Variants in CNTN1 observed in about 807,000 individuals in gnomAD.
The protein encoded by CNTN1 is contactin 1.
Under a neutral mutation model 126.4 loss-of-function variants are expected in CNTN1, and 38 were observed. That is an observed-to-expected ratio of 0.30 (90% CI 0.23 to 0.39). The LOEUF is 0.39. Ranked by LOEUF, CNTN1 falls within the 10% of genes least tolerant of loss-of-function variation. CNTN1 has a pLI of 1.00. For missense variants in CNTN1, 1,009 were observed against 1,248.4 expected (o/e 0.81, Z 2.89); for synonymous variants, 413 against 422.6 (o/e 0.98, Z 0.28).
intron 15 of CNTN1, among the ~76,000 whole-genome samples, chr12:40,979,767 C>T (rs1310344482): frequency 6.6e-6 from 1 of 151,960 alleles, no homozygotes; most frequent in Non-Finnish European, 1.5e-5. Context: ...CTCTTCAAAG[C>T]CCAAAAAGTT....
intron 13 of CNTN1, 36 bp downstream of exon 13, chr12:40,943,760 T>C (rs1946341546): frequency 6.2e-7 from 1 of 1,608,470 alleles, no homozygotes; most frequent in Non-Finnish European, 8.5e-7. Flanking sequence ...ATTTCTAATG[T>C]ATTAAAAAAC....
At chr12:40,787,200 CCTTTAT>C (rs1293100948) in intron 1 of CNTN1, among the ~76,000 whole-genome samples, 4 of 152,094 alleles carry the variant, frequency 2.6e-5, no homozygotes, top group South Asian at 2.1e-4. Context: ...CACTTAAAAA[CCTTTAT>C]CTTTATAACT....
chr12:40,756,903 C>A (rs1044812231), intron 1 of CNTN1, among the ~76,000 whole-genome samples: 2 of 152,044 alleles, frequency 1.3e-5, no homozygotes, highest in Non-Finnish European at 2.9e-5. Flanking sequence ...TTTTGCTAGT[C>A]TTTTTGTGTG....
At chr12:41,067,684 TGCAGCGCACCA>T (rs1198003535) in intron 23 of CNTN1, among the ~76,000 whole-genome samples, 1 of 150,164 alleles carries the variant, frequency 6.7e-6, no homozygotes, top group Admixed American at 6.6e-5. Flanking sequence ...AGTTAGTGGG[TGCAGCGCACCA>T]GCATGGCACA....
intron 1 of CNTN1, among the ~76,000 whole-genome samples, chr12:40,901,600 T>A (rs1592227618): frequency 6.6e-6 from 1 of 152,340 alleles, no homozygotes; most frequent in South Asian, 2.1e-4. Flanking sequence ...ATGTGTTGTA[T>A]TGCTCCTCTT....
At chr12:41,031,769 C>A (rs536224473) in intron 23 of CNTN1, among the ~76,000 whole-genome samples, 2 of 152,106 alleles carry the variant, frequency 1.3e-5, no homozygotes, top group South Asian at 4.1e-4. Flanking sequence ...CATAACTGTA[C>A]AAATAAACTG....
intron 1 of CNTN1, among the ~76,000 whole-genome samples, chr12:40,726,490 G>A (rs369805847): frequency 3.8e-4 from 58 of 152,206 alleles, no homozygotes; most frequent in Middle Eastern, 3.4e-3. Context: ...GCAAGCAGGG[G>A]AAATGCCAGG....
At chr12:40,943,566 T>C in intron 12 of CNTN1, 31 bp from the exon 13 acceptor site, 1 of 1,481,120 alleles carries the variant, frequency 6.8e-7, no homozygotes, top group Non-Finnish European at 9.4e-7. Flanking sequence ...TAAATCAGGT[T>C]TGTGAATTAT....
intron 1 of CNTN1, among the ~76,000 whole-genome samples, chr12:40,752,422 G>A (rs971538319): frequency 9.2e-5 from 14 of 152,020 alleles, no homozygotes; most frequent in African/African-American, 2.9e-4. Context: ...AATGAATGTC[G>A]ATTATGTAAA....
chr12:40,947,281 A>T (rs1209857170), intron 14 of CNTN1, among the ~76,000 whole-genome samples: 3 of 152,028 alleles, frequency 2.0e-5, no homozygotes, highest in African/African-American at 7.2e-5. Context: ...TGCATGGGGG[A>T]TGTTAAAAAT....
In CNTN1 at chr12:40,933,503, A is replaced by G. The variant is rs1457068264; in HGVS notation, c.746A>G (p.Lys249Arg). The G allele has an allele frequency of 1.2e-6, 2 of 1,611,972 alleles. No individual in the cohort carries two copies. The highest frequency in any genetic ancestry group is 1.7e-6 in the Non-Finnish European group (2 of 1,178,534). Residue 249 changes from lysine to arginine, a missense_variant, in exon 8 of 24, where the codon AAG (lysine) becomes AGG (arginine). By Grantham distance (26) the Lys-to-Arg change is conservative. Transcript: ENST00000551295. Reference sequence around the variant, plus strand: ...CCTGCTGATATTGTAGTTCAGTTCAAGGATGTATATGCATTGATGGGCCAA... The same window carrying G: ...CCTGCTGATATTGTAGTTCAGTTCAGGGATGTATATGCATTGATGGGCCAA... ...PYPADIVVQF[K>R]DVYALMGQNV...
At chr12:40,957,232 T>C (rs1426055313) in intron 14 of CNTN1, among the ~76,000 whole-genome samples, 2 of 151,668 alleles carry the variant, frequency 1.3e-5, no homozygotes, top group African/African-American at 4.8e-5. Flanking sequence ...TCAAACAGCT[T>C]AATATGAGAA....
At chr12:40,920,801 A>C (rs919250948) in intron 4 of CNTN1, among the ~76,000 whole-genome samples, 38 of 152,224 alleles carry the variant, frequency 2.5e-4, no homozygotes, top group Non-Finnish European at 8.8e-5. Context: ...ACAATAAAAA[A>C]GTATTAAAAG....
chr12:40,835,124 G>A (rs779667694), intron 1 of CNTN1, among the ~76,000 whole-genome samples: 1 of 152,098 alleles, frequency 6.6e-6, no homozygotes, highest in Non-Finnish European at 1.5e-5. Context: ...TGTTGTTTTT[G>A]TCTATTAAAA....
chr12:40,918,077 A>G (rs1305419203), intron 3 of CNTN1, among the ~76,000 whole-genome samples: 1 of 152,160 alleles, frequency 6.6e-6, no homozygotes, highest in African/African-American at 2.4e-5. Flanking sequence ...ACAACCCAGG[A>G]GAATGATGTA....
At chr12:40,790,047 A>G (rs1366684869) in intron 1 of CNTN1, among the ~76,000 whole-genome samples, 1 of 152,070 alleles carries the variant, frequency 6.6e-6, no homozygotes, top group Non-Finnish European at 1.5e-5. Context: ...ATCTTCCCAC[A>G]TGTGTGCTGC....
chr12:40,936,672 C>T, intron 9 of CNTN1, 109 bp from the exon 10 acceptor site: 1 of 1,358,086 alleles, frequency 7.4e-7, no homozygotes, highest in African/African-American at 1.4e-5. Flanking sequence ...CATACACTAT[C>T]TGATGTATTC....
chr12:40,922,439 T>G lies in CNTN1; in HGVS notation c.400+11T>G. On this transcript the variant is annotated intron_variant, in intron 5 of 23. Coordinates refer to ENST00000551295, the MANE Select transcript of CNTN1 (RefSeq NM_001843.4). ...CCCTGAGCTTTGGATGTAAGTAAAC[T>G]GTAACTTTTAAAAAAGGGCAAGCGT... 1 of 1,613,564 alleles carries G rather than the reference T, an allele frequency of 6.2e-7. No individual in the cohort carries two copies. Among genetic ancestry groups the G allele is most frequent in the Non-Finnish European group, 8.5e-7 (1 of 1,179,630 alleles).
intron 1 of CNTN1, among the ~76,000 whole-genome samples, chr12:40,709,176 T>C (rs955490373): frequency 6.6e-6 from 1 of 152,238 alleles, no homozygotes; most frequent in Non-Finnish European, 1.5e-5. Context: ...ATGGATGTTA[T>C]GTTAGCAGTC....
Sources: allele counts gnomAD v4.1 joint callset (sites outside exome capture counted in the v4.1 genomes callset), GRCh38; gene constraint gnomAD v4.1.1; transcripts MANE v1.5; gene names NCBI Gene and HGNC (gene_info 2026-07-23, HGNC 2026-07-21).